PDE11A: variants seen among roughly 807,000 people sequenced by gnomAD.
PDE11A encodes the protein dual 3',5'-cyclic-AMP and -GMP phosphodiesterase 11A.
Under a neutral mutation model 100.5 loss-of-function variants are expected in PDE11A, and 100 were observed. The observed-to-expected ratio is 1.00, with a 90% confidence interval of 0.85 to 1.18. The LOEUF is 1.18. Among genes scored for constraint, PDE11A ranks in the 50% most tolerant of loss-of-function variants. The pLI is 0.00. For missense variants in PDE11A, 1,141 were observed against 1,152.6 expected (o/e 0.99, Z 0.15); for synonymous variants, 381 against 420.8 (o/e 0.91, Z 1.16).
At chr2:178,079,424 G>A (rs2087256062) in intron 2 of PDE11A, among the ~76,000 whole-genome samples, 1 of 151,644 alleles carries the variant, frequency 6.6e-6, no homozygotes, top group Non-Finnish European at 1.5e-5. Flanking sequence ...GTTTGCTGAG[G>A]ATAATGGCTT....
At chr2:177,757,374 G>A (rs1415918877) in intron 10 of PDE11A, among the ~76,000 whole-genome samples, 4 of 152,296 alleles carry the variant, frequency 2.6e-5, no homozygotes, top group African/African-American at 9.6e-5. Context: ...GGATAGAGCC[G>A]CTGATGCCTC....
At chr2:177,744,228 G>A (rs1171717226) in intron 10 of PDE11A, among the ~76,000 whole-genome samples, 3 of 152,196 alleles carry the variant, frequency 2.0e-5, no homozygotes, top group African/African-American at 7.2e-5. Context: ...TTGGGGGTAG[G>A]AGGATAAGAG....
intron 2 of PDE11A, among the ~76,000 whole-genome samples, chr2:178,008,881 C>T (rs1431758124): frequency 6.6e-6 from 1 of 152,162 alleles, no homozygotes; most frequent in South Asian, 2.1e-4. Context: ...GGTAACCAAA[C>T]ACTCTGAATC....
chr2:177,641,188 C>G (rs900805286), intron 19 of PDE11A, among the ~76,000 whole-genome samples: 12 of 152,164 alleles, frequency 7.9e-5, no homozygotes. Context: ...ATATGCTCAT[C>G]ATCGCAAGTC....
intron 9 of PDE11A, among the ~76,000 whole-genome samples, chr2:177,798,290 C>T (rs1047852200): frequency 3.3e-5 from 5 of 152,156 alleles, no homozygotes; most frequent in Admixed American, 2.6e-4. Context: ...TCTTGGAGCT[C>T]GTTACACTTG....
intron 2 of PDE11A, among the ~76,000 whole-genome samples, chr2:177,993,717 T>G (rs182273617): frequency 1.3e-5 from 2 of 152,102 alleles, no homozygotes; most frequent in African/African-American, 4.8e-5. Flanking sequence ...GAATAGTCAA[T>G]GCATTGTTTA....
At chr2:177,781,647 G>A (rs958241426) in intron 9 of PDE11A, among the ~76,000 whole-genome samples, 3 of 152,060 alleles carry the variant, frequency 2.0e-5, no homozygotes. Flanking sequence ...GACTACAGGT[G>A]CGTGCCACCA....
rs1343874477 is a variant in PDE11A at position 177,711,758 on chromosome 2, A to G, written c.2153+11T>C. 2 of 1,393,500 alleles carry G rather than the reference A, an allele frequency of 1.4e-6. No homozygotes were observed. Among genetic ancestry groups the G allele is most frequent in the Non-Finnish European group, 2.0e-6 (2 of 978,820 alleles). The allele number at this position is 1,393,500 out of a possible 1,614,324, so 86.3% of individuals were successfully genotyped here. A position where few individuals can be genotyped will look rare whatever the true frequency, so the allele number is the denominator to read the frequency against. On this transcript the variant is annotated intron_variant, in intron 13 of 19. Coordinates refer to ENST00000286063, the MANE Select transcript of PDE11A (RefSeq NM_016953.4). ...AAATGCATTAAAATAACAACAGTTT[A>G]GAACACTTACTTAGCTTGGAAGGCA...
chr2:178,025,534 C>A (rs1401642361), intron 1 of PDE11A, among the ~76,000 whole-genome samples: 1 of 151,936 alleles, frequency 6.6e-6, no homozygotes, highest in Non-Finnish European at 1.5e-5. Context: ...ATTATTATTT[C>A]TCTTTATTAC....
At chr2:178,080,054 G>C (rs894532642) in intron 2 of PDE11A, among the ~76,000 whole-genome samples, 5 of 152,148 alleles carry the variant, frequency 3.3e-5, no homozygotes, top group African/African-American at 1.2e-4. Context: ...ACCTTTGTCA[G>C]ATGGATAGAT....
intron 5 of PDE11A, among the ~76,000 whole-genome samples, chr2:177,858,771 A>C (rs2083888999): frequency 6.6e-6 from 1 of 152,176 alleles, no homozygotes; most frequent in Non-Finnish European, 1.5e-5. Context: ...ATTATAAAAC[A>C]TGCTGCTATA....
At chr2:177,631,146 A>ATGTTT (rs2079912491) in intron 19 of PDE11A, among the ~76,000 whole-genome samples, 1 of 151,656 alleles carries the variant, frequency 6.6e-6, no homozygotes, top group African/African-American at 2.4e-5. Context: ...TATGTTTCTA[A>ATGTTT]CTGGTGAAAT....
intron 7 of PDE11A, among the ~76,000 whole-genome samples, chr2:177,819,755 T>C (rs572841263): frequency 1.6e-4 from 24 of 152,144 alleles, no homozygotes; most frequent in Middle Eastern, 3.4e-3. Flanking sequence ...TGTAAACACA[T>C]TGACATAGTA....
At chr2:177,792,525 A>G (rs1481375533) in intron 9 of PDE11A, among the ~76,000 whole-genome samples, 1 of 152,150 alleles carries the variant, frequency 6.6e-6, no homozygotes, top group Non-Finnish European at 1.5e-5. Context: ...GCTTATTTGC[A>G]CTGGTTATGC....
chr2:177,792,318 C>T (rs1340256369), intron 9 of PDE11A, among the ~76,000 whole-genome samples: 1 of 152,108 alleles, frequency 6.6e-6, no homozygotes. Context: ...TTTCTGAAAC[C>T]ACTATAATAT....
At chr2:178,040,703 G>A (rs958183071) in intron 1 of PDE11A, among the ~76,000 whole-genome samples, 8 of 152,136 alleles carry the variant, frequency 5.3e-5, no homozygotes, top group African/African-American at 1.9e-4. Context: ...TTTCTTCAGA[G>A]AACTACATAC....
At chr2:177,726,736 C>T (rs187467142) in intron 12 of PDE11A, among the ~76,000 whole-genome samples, 8 of 145,802 alleles carry the variant, frequency 5.5e-5, no homozygotes, top group South Asian at 2.3e-4. Flanking sequence ...TTTCATTTGG[C>T]GTTCTGATTT....
chr2:177,964,867 A>C lies in PDE11A; in HGVS notation c.1071+49435T>G, dbSNP rs10182150. Among the ~76,000 whole-genome samples, 1,486 of 152,306 alleles carry C rather than the reference A, an allele frequency of 9.8e-3. 21 individuals carry two copies. Among genetic ancestry groups the C allele is most frequent in the African/African-American group, 0.034 (1,415 of 41,558 alleles). Reference sequence around the variant, plus strand: ...GTGTCTTTATGGTAGAATGATTTCTATTCCTTTGGGTATATACCCAGTAAT... The same window carrying C: ...GTGTCTTTATGGTAGAATGATTTCTCTTCCTTTGGGTATATACCCAGTAAT... On this transcript the variant is annotated intron_variant, in intron 2 of 19. Coordinates refer to ENST00000286063, the MANE Select transcript of PDE11A (RefSeq NM_016953.4).
chr2:177,664,818 T>C (rs1455124662), intron 18 of PDE11A, among the ~76,000 whole-genome samples: 3 of 152,138 alleles, frequency 2.0e-5, no homozygotes, highest in African/African-American at 7.2e-5. Flanking sequence ...CTTAATGTTA[T>C]ATAGTAAGTT....
Sources: gnomAD v4.1 joint callset for allele counts (sites outside exome capture counted in the v4.1 genomes callset) on GRCh38, gnomAD v4.1.1 for gene constraint, MANE v1.5 for transcripts, NCBI Gene and HGNC (gene_info 2026-07-23, HGNC 2026-07-21) for gene names.